The following ESRRG variants were observed in gnomAD, a reference collection of about 807,000 sequenced individuals.
ESRRG encodes estrogen-related receptor gamma.
ESRRG carries 13 observed loss-of-function variants against 44.0 expected under a neutral mutation model. The observed-to-expected ratio is 0.30, with a 90% CI of 0.19 to 0.47. The LOEUF (loss-of-function observed/expected upper bound fraction) is 0.47. Among genes scored for constraint, ESRRG ranks in the 20% least tolerant of loss-of-function variants. The pLI is 1.00. For synonymous variants in ESRRG, 215 were observed against 214.6 expected (o/e 1.00, Z -0.02); for missense variants, 395 against 580.6 (o/e 0.68, Z 3.29).
At chr1:216,810,759 T>A (rs1314521077) in intron 2 of ESRRG, among the ~76,000 whole-genome samples, 1 of 148,228 alleles carries the variant, frequency 6.7e-6, no homozygotes, top group Non-Finnish European at 1.5e-5. Context: ...CTATGATATA[T>A]ATAACTATGA....
chr1:216,818,807 C>T (rs182713278), intron 2 of ESRRG, among the ~76,000 whole-genome samples: 15 of 152,112 alleles, frequency 9.9e-5, no homozygotes, highest in East Asian at 1.9e-4. Flanking sequence ...GTTGTTCCCC[C>T]GATGTGTCCA....
chr1:216,646,515 T>G (rs967365642), intron 3 of ESRRG, among the ~76,000 whole-genome samples: 7 of 152,118 alleles, frequency 4.6e-5, no homozygotes, highest in African/African-American at 1.7e-4. Context: ...TTGCTCCAAG[T>G]CTCAGAGGTG....
At chr1:217,011,659 A>G (rs1458192297) in intron 1 of ESRRG, among the ~76,000 whole-genome samples, 1 of 152,232 alleles carries the variant, frequency 6.6e-6, no homozygotes, top group Non-Finnish European at 1.5e-5. Context: ...TGGAGAAGAC[A>G]TAATGTCCAC....
chr1:216,961,120 C>G (rs968629649), intron 1 of ESRRG, among the ~76,000 whole-genome samples: 1 of 152,080 alleles, frequency 6.6e-6, no homozygotes, highest in African/African-American at 2.4e-5. Context: ...AAAGACGTTG[C>G]CAGATGGTAA....
At chr1:216,526,365 GATATTTGGAC>G (rs2047650762) in intron 5 of ESRRG, among the ~76,000 whole-genome samples, 1 of 152,100 alleles carries the variant, frequency 6.6e-6, no homozygotes, top group South Asian at 2.1e-4. Flanking sequence ...ATAAAAAGGG[GATATTTGGAC>G]ACAGAGATGG....
chr1:216,904,302 T>G (rs1174207863), intron 2 of ESRRG, among the ~76,000 whole-genome samples: 1 of 152,004 alleles, frequency 6.6e-6, no homozygotes, highest in Non-Finnish European at 1.5e-5. Flanking sequence ...AAAACTGACA[T>G]TCCTCAAATA....
intron 1 of ESRRG, among the ~76,000 whole-genome samples, chr1:216,681,312 A>G (rs1404117106): frequency 6.6e-6 from 1 of 152,100 alleles, no homozygotes; most frequent in African/African-American, 2.4e-5. Flanking sequence ...TTATTATTAT[A>G]CTTTAAGTTT....
At chr1:216,945,938 G>T (rs2065987741) in intron 1 of ESRRG, among the ~76,000 whole-genome samples, 1 of 152,142 alleles carries the variant, frequency 6.6e-6, no homozygotes, top group Admixed American at 6.5e-5. Context: ...ATTCAATAGA[G>T]ATGGTTGGCA....
chr1:216,967,218 A>G (rs1286586154), intron 1 of ESRRG, among the ~76,000 whole-genome samples: 1 of 152,094 alleles, frequency 6.6e-6, no homozygotes, highest in East Asian at 1.9e-4. Flanking sequence ...ATTTGCTACA[A>G]CTAATGAACT....
intron 1 of ESRRG, among the ~76,000 whole-genome samples, chr1:216,987,758 T>G (rs932845214): frequency 6.6e-6 from 1 of 152,132 alleles, no homozygotes; most frequent in Non-Finnish European, 1.5e-5. Context: ...CACCTAAAAC[T>G]TTTTTGCTCA....
chr1:217,118,072 T>C (rs1393344565), intron 1 of ESRRG, among the ~76,000 whole-genome samples: 1 of 152,226 alleles, frequency 6.6e-6, no homozygotes, highest in Non-Finnish European at 1.5e-5. Flanking sequence ...GAGCCTGTTC[T>C]AAGCATTTTA....
chr1:216,708,432 C>T (rs1158080095), intron 1 of ESRRG, among the ~76,000 whole-genome samples: 2 of 152,122 alleles, frequency 1.3e-5, no homozygotes, highest in Non-Finnish European at 2.9e-5. Flanking sequence ...TAAATGTCTA[C>T]ATTTGGACAC....
chr1:216,742,279 G>A (rs2090848164), intron 2 of ESRRG, among the ~76,000 whole-genome samples: 1 of 152,116 alleles, frequency 6.6e-6, no homozygotes, highest in African/African-American at 2.4e-5. Flanking sequence ...GTAGGTTAGA[G>A]CCTTGAAAAA....
At chr1:217,136,604 A>G (rs2093053408) in intron 1 of ESRRG, among the ~76,000 whole-genome samples, 1 of 152,036 alleles carries the variant, frequency 6.6e-6, no homozygotes, top group South Asian at 2.1e-4. Context: ...CTTTTGCTGC[A>G]CCCGCTCACA....
chr1:216,723,199 G>A, intron 1 of ESRRG, 45 bp downstream of exon 1: 2 of 659,796 alleles, frequency 3.0e-6, no homozygotes, highest in South Asian at 1.6e-5. Flanking sequence ...CCCCACCCCC[G>A]CACCCCCACG....
At chr1:216,531,169 T>C (rs763511732) in intron 5 of ESRRG, among the ~76,000 whole-genome samples, 17 of 152,134 alleles carry the variant, frequency 1.1e-4, no homozygotes, top group African/African-American at 1.7e-4. Flanking sequence ...TTGTCACAGA[T>C]ATGAAATTAT....
intron 2 of ESRRG, among the ~76,000 whole-genome samples, chr1:216,830,580 C>T (rs1427595480): frequency 5.9e-5 from 9 of 152,126 alleles, no homozygotes; most frequent in East Asian, 1.9e-4. Flanking sequence ...TCAGGGCTCT[C>T]GGAAGCCTCA....
At chr1:216,846,378 C>G (rs1386980083) in intron 2 of ESRRG, among the ~76,000 whole-genome samples, 1 of 152,062 alleles carries the variant, frequency 6.6e-6, no homozygotes, top group East Asian at 1.9e-4. Flanking sequence ...ATGTCTTTGT[C>G]TAGAGGAGTT....
chr1:216,707,497 A>G (rs1298213724), intron 1 of ESRRG: 30 of 1,527,326 alleles, frequency 2.0e-5, no homozygotes, highest in Non-Finnish European at 2.5e-5. Flanking sequence ...CTAAAAAGCC[A>G]AAACCAGAAA....
Sources: allele counts gnomAD v4.1 joint callset (sites outside exome capture counted in the v4.1 genomes callset), GRCh38; gene constraint gnomAD v4.1.1; transcripts MANE v1.5; gene names NCBI Gene and HGNC (gene_info 2026-07-23, HGNC 2026-07-21).